The following ELMO1 variants were observed in gnomAD, a reference collection of about 807,000 sequenced individuals.
ELMO1 encodes engulfment and cell motility protein 1.
In ELMO1, 26 loss-of-function variants were observed where a neutral mutation model predicts 98.9. That is an observed-to-expected ratio of 0.26 (90% confidence interval 0.19 to 0.36). The LOEUF is 0.36. Ranked by LOEUF, ELMO1 falls within the 10% of genes least tolerant of loss-of-function variation. ELMO1 has a pLI of 1.00. For missense variants in ELMO1, 627 were observed against 935.2 expected (o/e 0.67, Z 4.30); for synonymous variants, 346 against 346.0 (o/e 1.00, Z 0.00).
At position 37,123,313 on chromosome 7, in the gene ELMO1, T is replaced by TA. The variant is rs1199314977; in HGVS notation, c.1191+9816dup. Among the ~76,000 whole-genome samples the TA allele has an allele frequency of 4.8e-5, 7 of 144,348 alleles. No homozygotes were observed. In the South Asian group the frequency reaches 1.2e-3, roughly 26 times the overall value. 94.7% of individuals were successfully genotyped at this position (144,348 alleles called of 152,430 possible). A position where few individuals can be genotyped will look rare whatever the true frequency, so the allele number is the denominator to read the frequency against. On this transcript the variant is annotated intron_variant, in intron 14 of 21. Transcript: ENST00000310758. ...AGCAGAACTGAAGGAGATAGAGACATAAAAAACCCTTCAAAAAAATCAATG... is the reference window on the plus strand; with the variant it reads ...AGCAGAACTGAAGGAGATAGAGACATAAAAAAACCCTTCAAAAAAATCAATG...
At chr7:37,090,005 G>A (rs1379453469) in intron 15 of ELMO1, among the ~76,000 whole-genome samples, 1 of 152,152 alleles carries the variant, frequency 6.6e-6, no homozygotes, top group African/African-American at 2.4e-5. Context: ...GAGAAAGTGT[G>A]CTGAAAGTCT....
Position 36,855,679 on chromosome 7 carries a change from G to A in ELMO1, c.2056C>T (p.Leu686=). 6.2e-7 allele frequency: 1 copy of A among 1,614,162 alleles called. No homozygotes were observed. ...DMMSDLTRND[L]DTLLSMEIKL... ...ATTTCCATGCTGAGCAGGGTGTCCA[G>A]GTCATTCCGCGTCAGGTCGCTCATC... The change falls in exon 22 of 22, where the codon CTG becomes TTG. Residue 686 remains leucine, a synonymous_variant. Transcript: ENST00000310758. The surrounding 1 kb of genome is among the most constrained non-coding windows in gnomAD (Gnocchi z 4.2).
At chr7:37,298,418 G>C (rs1451922714) in intron 4 of ELMO1, among the ~76,000 whole-genome samples, 1 of 145,586 alleles carries the variant, frequency 6.9e-6, no homozygotes, top group African/African-American at 2.6e-5. Flanking sequence ...TCGTCATCTA[G>C]CATTAGGTAT....
intron 4 of ELMO1, among the ~76,000 whole-genome samples, chr7:37,312,406 T>A (rs1798934991): frequency 6.6e-6 from 1 of 152,210 alleles, no homozygotes; most frequent in African/African-American, 2.4e-5. Flanking sequence ...TAAATTGAAC[T>A]TTGTGCACAA....
At chr7:37,122,690 AC>A (rs1348385170) in intron 14 of ELMO1, among the ~76,000 whole-genome samples, 1 of 152,178 alleles carries the variant, frequency 6.6e-6, no homozygotes. Flanking sequence ...ATAATGGGAG[AC>A]TTTAACACCC....
chr7:37,412,438 A>G (rs1300066436), intron 1 of ELMO1, among the ~76,000 whole-genome samples: 1 of 152,250 alleles, frequency 6.6e-6, no homozygotes, highest in Non-Finnish European at 1.5e-5. Flanking sequence ...GCCAATTTCT[A>G]CTTTAAATGA....
At chr7:36,918,029 A>C (rs926734106) in intron 16 of ELMO1, among the ~76,000 whole-genome samples, 1 of 152,156 alleles carries the variant, frequency 6.6e-6, no homozygotes, top group African/African-American at 2.4e-5. Context: ...AACACACACA[A>C]AAATAATATA....
intron 1 of ELMO1, among the ~76,000 whole-genome samples, chr7:37,443,303 A>G (rs1454736283): frequency 1.3e-5 from 2 of 152,252 alleles, no homozygotes; most frequent in Non-Finnish European, 2.9e-5. Flanking sequence ...GAACTAAAAC[A>G]GTCAAAACTG....
chr7:37,242,534 G>A (rs527661187), intron 7 of ELMO1, among the ~76,000 whole-genome samples: 2 of 151,914 alleles, frequency 1.3e-5, no homozygotes, highest in South Asian at 2.1e-4. Flanking sequence ...ACTGGATATT[G>A]TGAACAAAAC....
chr7:36,986,241 TC>T, intron 16 of ELMO1: 1 of 985,466 alleles, frequency 1.0e-6, no homozygotes, highest in Non-Finnish European at 1.2e-6. Flanking sequence ...CGCCTCCATT[TC>T]AGGGAAACTC....
At chr7:37,389,750 G>A (rs763715612) in intron 1 of ELMO1, among the ~76,000 whole-genome samples, 45 of 152,294 alleles carry the variant, frequency 3.0e-4, no homozygotes, top group East Asian at 1.4e-3. Flanking sequence ...TAGGCTGTCA[G>A]GAGTGTAGGG....
At chr7:37,098,145 T>C (rs191526423) in intron 14 of ELMO1, among the ~76,000 whole-genome samples, 193 of 152,322 alleles carry the variant, frequency 1.3e-3, no homozygotes, top group Admixed American at 2.5e-3. Flanking sequence ...CTCAGTAGCA[T>C]CTACAATGAT....
chr7:36,926,766 A>C (rs985739888), intron 16 of ELMO1, among the ~76,000 whole-genome samples: 1 of 152,188 alleles, frequency 6.6e-6, no homozygotes, highest in Non-Finnish European at 1.5e-5. Context: ...TCATTGCTGA[A>C]GCTCAGAGGC....
intron 1 of ELMO1, among the ~76,000 whole-genome samples, chr7:37,369,001 C>T (rs1490583458): frequency 2.6e-5 from 4 of 152,064 alleles, no homozygotes; most frequent in Non-Finnish European, 5.9e-5. Flanking sequence ...CTTTCCCTCT[C>T]GGCATTTTAC....
chr7:37,022,703 T>C (rs1222226289), intron 15 of ELMO1, among the ~76,000 whole-genome samples: 3 of 152,234 alleles, frequency 2.0e-5, no homozygotes, highest in African/African-American at 7.2e-5. Context: ...ATTCTTACTT[T>C]ATAATACAGC....
chr7:37,390,778 A>G (rs1416187338), intron 1 of ELMO1, among the ~76,000 whole-genome samples: 1 of 152,200 alleles, frequency 6.6e-6, no homozygotes, highest in Non-Finnish European at 1.5e-5. Flanking sequence ...TATTGCTTCT[A>G]TCCACCAGGT....
chr7:37,396,356 C>T (rs898973040), intron 1 of ELMO1, among the ~76,000 whole-genome samples: 11 of 152,040 alleles, frequency 7.2e-5, no homozygotes, highest in African/African-American at 2.7e-4. Context: ...TTCAAGACCC[C>T]TGGGCAACAT....
intron 2 of ELMO1, among the ~76,000 whole-genome samples, chr7:37,336,856 A>T (rs1800442720): frequency 6.6e-6 from 1 of 152,194 alleles, no homozygotes. Context: ...CTGGAATGGA[A>T]AAACAGAATA....
intron 14 of ELMO1, among the ~76,000 whole-genome samples, chr7:37,105,868 G>C (rs141473765): frequency 6.6e-6 from 1 of 152,304 alleles, no homozygotes; most frequent in East Asian, 1.9e-4. Context: ...GCCGGGGGCT[G>C]AGAAGTGAGA....
Sources: gnomAD v4.1 joint callset for allele counts (sites outside exome capture counted in the v4.1 genomes callset) on GRCh38, gnomAD v4.1.1 for gene constraint, Gnocchi (gnomAD v3.1) non-coding constraint, MANE v1.5 for transcripts, NCBI Gene and HGNC (gene_info 2026-07-23, HGNC 2026-07-21) for gene names.